The following ETFA variants were observed in gnomAD, a reference collection of about 807,000 sequenced individuals.
ETFA encodes the protein electron transfer flavoprotein subunit alpha, mitochondrial.
ETFA carries 22 observed loss-of-function variants against 46.2 expected under a neutral mutation model. That is an observed-to-expected ratio of 0.48 (90% CI 0.34 to 0.68). The LOEUF is 0.68. Ranked by LOEUF, ETFA falls within the 30% of genes least tolerant of loss-of-function variation. The pLI, the probability that ETFA is intolerant of heterozygous loss-of-function variation, is 0.01. For missense variants in ETFA, 345 were observed against 401.1 expected (o/e 0.86, Z 1.19); for synonymous variants, 131 against 139.9 (o/e 0.94, Z 0.45).
intron 9 of ETFA, among the ~76,000 whole-genome samples, chr15:76,262,546 A>G: frequency 7.7e-6 from 1 of 129,404 alleles, no homozygotes; most frequent in East Asian, 2.4e-4. Flanking sequence ...GCAGTGGTGC[A>G]ATCTCGGCTC....
intron 4 of ETFA, among the ~76,000 whole-genome samples, chr15:76,290,420 T>C (rs140689658): frequency 7.0e-6 from 1 of 143,074 alleles, no homozygotes; most frequent in African/African-American, 2.5e-5. Flanking sequence ...TCTCAGCTCA[T>C]TGCAGCCTCA....
intron 9 of ETFA, among the ~76,000 whole-genome samples, chr15:76,234,783 G>C (rs1567198659): frequency 1.3e-5 from 2 of 152,200 alleles, no homozygotes; most frequent in African/African-American, 2.4e-5. Context: ...GAGGACCAGA[G>C]CTTATTCTGA....
chr15:76,222,933 C>T (rs549483836), intron 11 of ETFA, among the ~76,000 whole-genome samples: 63 of 151,900 alleles, frequency 4.1e-4, no homozygotes, highest in African/African-American at 1.5e-3. Flanking sequence ...CTCCTGGGCC[C>T]ACGTGAACCT....
intron 1 of ETFA, among the ~76,000 whole-genome samples, chr15:76,299,741 T>G (rs984939602): frequency 1.3e-5 from 2 of 152,202 alleles, no homozygotes; most frequent in African/African-American, 2.4e-5. Context: ...ACAATTCCTG[T>G]CCTTGCCCTA....
chr15:76,275,336 T>A (rs1454991993), intron 8 of ETFA, among the ~76,000 whole-genome samples: 1 of 152,208 alleles, frequency 6.6e-6, no homozygotes, highest in Non-Finnish European at 1.5e-5. Flanking sequence ...ACTTAAAACT[T>A]TAAGTGTATT....
At chr15:76,244,119 G>A (rs557059472) in intron 9 of ETFA, among the ~76,000 whole-genome samples, 38 of 152,162 alleles carry the variant, frequency 2.5e-4, no homozygotes, top group Admixed American at 2.0e-3. Context: ...TGCCAACCTC[G>A]GGTGATTTGC....
At chr15:76,260,578 T>G (rs1255924337) in intron 9 of ETFA, 7 of 1,502,688 alleles carry the variant, frequency 4.7e-6, no homozygotes, top group Non-Finnish European at 6.4e-6. Context: ...TTGGCCCTGG[T>G]CCCCTCCATT....
At chr15:76,221,094 AAATG>A (rs1290383184) in intron 11 of ETFA, among the ~76,000 whole-genome samples, 3 of 152,266 alleles carry the variant, frequency 2.0e-5, no homozygotes, top group Non-Finnish European at 4.4e-5. Context: ...ATCAAATGAT[AAATG>A]AATGAACAAA....
chr15:76,286,358 A>T lies in ETFA; in HGVS notation c.562+13T>A. 6.5e-7 allele frequency: 1 copy of T among 1,542,298 alleles called. No homozygotes were observed. Among genetic ancestry groups the T allele is most frequent in the Non-Finnish European group, 9.0e-7 (1 of 1,116,076 alleles). ...TAAGAAACAAAACAAAAAAACTCCA[A>T]ATGAACACTCACCCTTTTCTGAACT... On this transcript the variant is annotated intron_variant, in intron 6 of 11. Coordinates refer to ENST00000557943, the MANE Select transcript of ETFA (RefSeq NM_000126.4).
At chr15:76,271,414 T>C (rs963131102) in intron 9 of ETFA, among the ~76,000 whole-genome samples, 1 of 152,198 alleles carries the variant, frequency 6.6e-6, no homozygotes, top group African/African-American at 2.4e-5. Context: ...ATAATCTAAA[T>C]TGAAGACATT....
intron 9 of ETFA, among the ~76,000 whole-genome samples, chr15:76,240,899 A>G (rs1384778910): frequency 6.6e-6 from 1 of 151,718 alleles, no homozygotes; most frequent in Non-Finnish European, 1.5e-5. Flanking sequence ...GAGCAACAGA[A>G]TAAGACCCCA....
At chr15:76,265,585 G>A (rs1057217661) in intron 9 of ETFA, among the ~76,000 whole-genome samples, 17 of 152,134 alleles carry the variant, frequency 1.1e-4, no homozygotes, top group Non-Finnish European at 2.1e-4. Context: ...AGACTTCCAC[G>A]GGTATCGTTG....
chr15:76,268,634 C>T (rs2039497711), intron 9 of ETFA, among the ~76,000 whole-genome samples: 1 of 152,202 alleles, frequency 6.6e-6, no homozygotes, highest in Non-Finnish European at 1.5e-5. Context: ...GGAATATCAT[C>T]ACCCCTATTC....
chr15:76,299,310 G>C (rs578194036), intron 1 of ETFA, among the ~76,000 whole-genome samples: 2 of 152,136 alleles, frequency 1.3e-5, no homozygotes, highest in African/African-American at 4.8e-5. Context: ...TGGAAACAAA[G>C]TCTCCCTCTA....
chr15:76,290,588 C>T (rs977149101), intron 4 of ETFA, among the ~76,000 whole-genome samples: 3 of 151,886 alleles, frequency 2.0e-5, no homozygotes, highest in African/African-American at 7.3e-5. Flanking sequence ...TGGGCTCAGA[C>T]AATCCTCCCA....
intron 8 of ETFA, among the ~76,000 whole-genome samples, chr15:76,281,989 C>T (rs1218376224): frequency 1.3e-5 from 2 of 150,478 alleles, no homozygotes; most frequent in Admixed American, 6.6e-5. Context: ...CTGCAACCTC[C>T]GCCTTCTAGG....
chr15:76,260,333 C>A, intron 9 of ETFA: 1 of 1,342,584 alleles, frequency 7.4e-7, no homozygotes. Context: ...GCCCAAACCA[C>A]GTCTCTTTCG....
intron 8 of ETFA, among the ~76,000 whole-genome samples, chr15:76,277,318 C>A (rs1265808097): frequency 1.3e-5 from 2 of 152,096 alleles, no homozygotes; most frequent in Admixed American, 1.3e-4. Flanking sequence ...GGAGATCAGA[C>A]CTTGTTAAGA....
chr15:76,306,352 C>T lies in ETFA; in HGVS notation c.39+4998G>A, dbSNP rs1288969651. 3.4e-5 allele frequency among the ~76,000 whole-genome samples: 5 copies of T among 148,444 alleles called. 1 individual carries two copies. Among genetic ancestry groups the T allele is most frequent in the Admixed American group, 2.0e-4 (3 of 14,640 alleles). On this transcript the variant is annotated intron_variant, in intron 1 of 11. Coordinates refer to ENST00000557943, the MANE Select transcript of ETFA (RefSeq NM_000126.4). ...CGCGATCTCAGCTCACTCCAACCTC[C>T]GCCTCCTGGGTTCAAGCAATTCTCC...
Sources: gnomAD v4.1 joint callset for allele counts (sites outside exome capture counted in the v4.1 genomes callset) on GRCh38, gnomAD v4.1.1 for gene constraint, MANE v1.5 for transcripts, NCBI Gene and HGNC (gene_info 2026-07-23, HGNC 2026-07-21) for gene names.